Variants in STS observed in about 807,000 individuals in gnomAD.
STS encodes the protein steryl-sulfatase.
In STS, 7 loss-of-function variants were observed where a neutral mutation model predicts 26.8. The observed-to-expected ratio is 0.26, with a 90% CI of 0.15 to 0.49. STS has a LOEUF of 0.49. Ranked by LOEUF, STS falls within the 20% of genes least tolerant of loss-of-function variation. STS has a pLI of 0.98. For missense variants in STS, 434 were observed against 465.6 expected (o/e 0.93, Z 0.63); for synonymous variants, 199 against 189.4 (o/e 1.05, Z -0.42).
At chrX:7,198,236 G>C (rs1934006596) in intron 2 of STS, among the ~76,000 whole-genome samples, 1 of 111,093 alleles carries the variant, frequency 9.0e-6, no homozygotes, top group African/African-American at 3.3e-5. Flanking sequence ...AGGGGGTTAG[G>C]AAGTGAGGAA....
At chrX:7,348,661 A>G (rs1928631828) in intron 10 of STS, among the ~76,000 whole-genome samples, 1 of 112,199 alleles carries the variant, frequency 8.9e-6, no homozygotes, top group Admixed American at 9.4e-5. Flanking sequence ...TTTGTGAATT[A>G]GTTTTTCCTA....
chrX:7,243,343 G>A (rs1188006705), intron 2 of STS, among the ~76,000 whole-genome samples: 4 of 112,396 alleles, frequency 3.6e-5, no homozygotes, highest in Non-Finnish European at 5.6e-5. Context: ...GATTGCAGGT[G>A]TAATCTACTG....
chrX:7,276,584 G>C (rs1278211921), intron 7 of STS, among the ~76,000 whole-genome samples: 1 of 112,641 alleles, frequency 8.9e-6, no homozygotes. Flanking sequence ...TGGACGAAAA[G>C]AGACAAAACT....
chrX:7,295,633 C>G (rs1329306475), intron 7 of STS, among the ~76,000 whole-genome samples: 1 of 110,611 alleles, frequency 9.0e-6, no homozygotes, highest in African/African-American at 3.3e-5. Flanking sequence ...GTAGGACCCA[C>G]GGTCCCTAGA....
intron 1 of STS, 71 bp downstream of exon 1, chrX:7,148,154 GCGCGCGCACC>G: frequency 2.0e-6 from 2 of 990,104 alleles, no homozygotes; most frequent in Non-Finnish European, 2.7e-6. Context: ...AGGAGGAAGT[GCGCGCGCACC>G]CGCCCGCCCC....
intron 10 of STS, among the ~76,000 whole-genome samples, chrX:7,338,804 A>G (rs1928150691): frequency 8.9e-6 from 1 of 112,304 alleles, no homozygotes; most frequent in African/African-American, 3.2e-5. Flanking sequence ...GGATATCCCA[A>G]TTTCCCTGAT....
At chrX:7,204,008 C>G (rs929601515) in intron 2 of STS, among the ~76,000 whole-genome samples, 2 of 111,460 alleles carry the variant, frequency 1.8e-5, no homozygotes, top group Non-Finnish European at 3.8e-5. Flanking sequence ...TGCTCTCAAA[C>G]TTCCGTCCTC....
chrX:7,206,944 T>C (rs1308101182), intron 2 of STS, among the ~76,000 whole-genome samples: 4 of 112,524 alleles, frequency 3.6e-5, no homozygotes, highest in African/African-American at 1.3e-4. Context: ...GGGCAATGGC[T>C]CATGCCTACA....
At chrX:7,187,203 C>T (rs1391137821) in intron 1 of STS, among the ~76,000 whole-genome samples, 1 of 112,296 alleles carries the variant, frequency 8.9e-6, no homozygotes, top group Non-Finnish European at 1.9e-5. Context: ...TGTGCAAATT[C>T]TCGGCACCAT....
intron 3 of STS, among the ~76,000 whole-genome samples, chrX:7,254,017 T>C (rs1923277228): frequency 8.9e-6 from 1 of 112,066 alleles, no homozygotes. Flanking sequence ...GGGAGCTCTC[T>C]GGGTCCCTTT....
intron 10 of STS, among the ~76,000 whole-genome samples, chrX:7,346,746 G>C (rs768845375): frequency 8.9e-6 from 1 of 112,157 alleles, no homozygotes; most frequent in South Asian, 3.7e-4. Context: ...GATAATTTTG[G>C]AATACAGGAC....
At chrX:7,315,165 C>G (rs1926656232) in intron 8 of STS, among the ~76,000 whole-genome samples, 1 of 111,582 alleles carries the variant, frequency 9.0e-6, no homozygotes, top group Non-Finnish European at 1.9e-5. Flanking sequence ...TATTGAGTAC[C>G]ATCTATTTGG....
intron 1 of STS, among the ~76,000 whole-genome samples, chrX:7,185,708 A>C (rs1325076183): frequency 8.9e-6 from 1 of 112,557 alleles, no homozygotes; most frequent in African/African-American, 3.2e-5. Flanking sequence ...CACTTCAGAA[A>C]CTATATTATT....
intron 9 of STS, among the ~76,000 whole-genome samples, chrX:7,331,839 G>T (rs773580072): frequency 5.6e-4 from 58 of 102,842 alleles, no homozygotes; most frequent in Non-Finnish European, 8.6e-4. Context: ...CCATAGCAGC[G>T]TGATTTATGG....
chrX:7,349,071 G>A (rs1404539717), intron 10 of STS, among the ~76,000 whole-genome samples: 4 of 103,022 alleles, frequency 3.9e-5, no homozygotes, highest in Non-Finnish European at 7.9e-5. Context: ...GGTTTCAACT[G>A]CCTAGGTTCA....
chrX:7,298,327 A>G (rs761341394), intron 7 of STS, among the ~76,000 whole-genome samples: 1 of 112,042 alleles, frequency 8.9e-6, no homozygotes, highest in South Asian at 3.7e-4. Context: ...TAGATAAATC[A>G]TATGCTTTCC....
intron 2 of STS, chrX:7,219,745 G>A: frequency 3.4e-6 from 4 of 1,161,625 alleles, no homozygotes; most frequent in Non-Finnish European, 4.7e-6. Flanking sequence ...ATACTAGTTG[G>A]GATGTTCACA....
At chrX:7,236,815 T>C (rs1252944562) in intron 2 of STS, among the ~76,000 whole-genome samples, 17 of 111,441 alleles carry the variant, frequency 1.5e-4, no homozygotes, top group Non-Finnish European at 3.8e-5. Flanking sequence ...ACACAACGCA[T>C]AAATACATAG....
At chrX:7,330,159 G>A (rs1489520006) in intron 9 of STS, among the ~76,000 whole-genome samples, 1 of 111,711 alleles carries the variant, frequency 9.0e-6, no homozygotes, top group Non-Finnish European at 1.9e-5. Context: ...GGAAATAAAT[G>A]GAGGACAACC....
Sources: gnomAD v4.1 joint callset for allele counts (sites outside exome capture counted in the v4.1 genomes callset) on GRCh38, gnomAD v4.1.1 for gene constraint, MANE v1.5 for transcripts, NCBI Gene and HGNC (gene_info 2026-07-23, HGNC 2026-07-21) for gene names.